The following LHFPL3 variants were observed in gnomAD, a reference collection of about 807,000 sequenced individuals.
LHFPL3 encodes the protein LHFPL tetraspan subfamily member 3.
LHFPL3 carries 5 observed loss-of-function variants against 19.3 expected under a neutral mutation model. That is an observed-to-expected ratio of 0.26 (90% confidence interval 0.14 to 0.54). The LOEUF is 0.54. LHFPL3 is among the 20% of genes least tolerant of loss of function. The pLI, the probability that LHFPL3 is intolerant of heterozygous loss-of-function variation, is 0.94. For synonymous variants in LHFPL3, 133 were observed against 126.2 expected (o/e 1.05, Z -0.36); for missense variants, 249 against 307.4 (o/e 0.81, Z 1.42).
At chr7:104,667,601 T>C in intron 1 of LHFPL3, 2 of 654,660 alleles carry the variant, frequency 3.1e-6, no homozygotes, top group Non-Finnish European at 2.6e-6. Flanking sequence ...TCAGCATAAC[T>C]AATATTTGTT....
At chr7:104,379,136 C>A (rs976938644) in intron 1 of LHFPL3, among the ~76,000 whole-genome samples, 1 of 152,104 alleles carries the variant, frequency 6.6e-6, no homozygotes, top group African/African-American at 2.4e-5. Context: ...CCAGATGGCC[C>A]GAAGATACAG....
chr7:104,659,435 A>C lies in LHFPL3; in HGVS notation c.446-77240A>C, dbSNP rs76564737. On this transcript the variant is annotated intron_variant, in intron 1 of 2. Transcript: ENST00000424859. ...TTGTTCGGTCATTCAGTGCTCTTTCACTCACACCAGAGAATCCAAGGCTGC... is the reference window on the plus strand; with the variant it reads ...TTGTTCGGTCATTCAGTGCTCTTTCCCTCACACCAGAGAATCCAAGGCTGC... Among the ~76,000 whole-genome samples the C allele has an allele frequency of 5.2e-3, 791 of 152,054 alleles. 45 individuals are homozygous for C. In the East Asian group the frequency reaches 0.11, roughly 22 times the overall value.
At chr7:104,492,310 G>A (rs1274298522) in intron 1 of LHFPL3, among the ~76,000 whole-genome samples, 5 of 152,174 alleles carry the variant, frequency 3.3e-5, no homozygotes, top group Non-Finnish European at 7.3e-5. Context: ...CAGAACGGTG[G>A]CACTCTAAAG....
At chr7:104,518,832 T>A (rs1473171272) in intron 1 of LHFPL3, among the ~76,000 whole-genome samples, 1 of 150,690 alleles carries the variant, frequency 6.6e-6, no homozygotes, top group African/African-American at 2.5e-5. Flanking sequence ...GATAGATAGA[T>A]AGATAGATAG....
At chr7:104,420,554 ATTTTTTTT>A (rs71153195) in intron 1 of LHFPL3, among the ~76,000 whole-genome samples, 2 of 112,710 alleles carry the variant, frequency 1.8e-5, no homozygotes, top group Admixed American at 1.1e-4. Context: ...CAAAGGGTGA[ATTTTTTTT>A]TTTTTTTTTT....
chr7:104,783,547 T>A (rs1156267203), intron 2 of LHFPL3, among the ~76,000 whole-genome samples: 2 of 152,186 alleles, frequency 1.3e-5, no homozygotes, highest in Non-Finnish European at 2.9e-5. Context: ...AGAAATGTAA[T>A]GCACCGACGA....
chr7:104,396,816 C>A (rs898116953), intron 1 of LHFPL3, among the ~76,000 whole-genome samples: 3 of 151,668 alleles, frequency 2.0e-5, no homozygotes, highest in African/African-American at 7.3e-5. Flanking sequence ...CACACACACA[C>A]AAAATTCACT....
intron 1 of LHFPL3, among the ~76,000 whole-genome samples, chr7:104,532,609 C>G (rs545299997): frequency 1.3e-5 from 2 of 152,216 alleles, no homozygotes; most frequent in East Asian, 3.9e-4. Context: ...GTTTTCCTCA[C>G]AAGTACCCCA....
chr7:104,673,855 G>C (rs760662195), intron 1 of LHFPL3, among the ~76,000 whole-genome samples: 4 of 152,132 alleles, frequency 2.6e-5, no homozygotes, highest in African/African-American at 4.8e-5. Context: ...CAAGATAAAA[G>C]CACCTTTAAC....
At chr7:104,398,651 G>T (rs1017932169) in intron 1 of LHFPL3, among the ~76,000 whole-genome samples, 9 of 152,274 alleles carry the variant, frequency 5.9e-5, no homozygotes, top group Middle Eastern at 3.4e-3. Context: ...GAGGGATAAA[G>T]TAAATTCCCA....
At chr7:104,370,466 A>G (rs1790590193) in intron 1 of LHFPL3, among the ~76,000 whole-genome samples, 1 of 152,182 alleles carries the variant, frequency 6.6e-6, no homozygotes, top group South Asian at 2.1e-4. Flanking sequence ...CAAAGCAGAA[A>G]TGTGACTTCC....
At chr7:104,653,574 G>C (rs1792071213) in intron 1 of LHFPL3, among the ~76,000 whole-genome samples, 1 of 152,162 alleles carries the variant, frequency 6.6e-6, no homozygotes, top group African/African-American at 2.4e-5. Context: ...CATAAAAATG[G>C]AAAAATCATT....
intron 1 of LHFPL3, among the ~76,000 whole-genome samples, chr7:104,367,579 A>G (rs1435159647): frequency 6.6e-6 from 1 of 152,152 alleles, no homozygotes; most frequent in Admixed American, 6.5e-5. Flanking sequence ...AGGGAGAAAA[A>G]CTGGCTTGTT....
intron 1 of LHFPL3, among the ~76,000 whole-genome samples, chr7:104,588,562 T>C (rs1401477414): frequency 2.0e-5 from 3 of 152,094 alleles, no homozygotes; most frequent in Admixed American, 2.0e-4. Flanking sequence ...ATGCCTCCAG[T>C]TTTGTTCTTT....
chr7:104,502,108 A>G (rs1793607105), intron 1 of LHFPL3, among the ~76,000 whole-genome samples: 1 of 152,238 alleles, frequency 6.6e-6, no homozygotes, highest in South Asian at 2.1e-4. Context: ...ACCTTTACAT[A>G]CCAATATTGA....
chr7:104,387,818 G>T (rs532245354), intron 1 of LHFPL3, among the ~76,000 whole-genome samples: 65 of 152,178 alleles, frequency 4.3e-4, no homozygotes, highest in African/African-American at 1.5e-3. Context: ...TTAGGTTCGG[G>T]GTACATGTGC....
intron 1 of LHFPL3, among the ~76,000 whole-genome samples, chr7:104,590,991 T>C (rs937080395): frequency 6.6e-6 from 1 of 152,188 alleles, no homozygotes; most frequent in Non-Finnish European, 1.5e-5. Context: ...TCCCTTTAAT[T>C]TGAGCTTGTG....
At chr7:104,344,079 A>C (rs1340462016) in intron 1 of LHFPL3, among the ~76,000 whole-genome samples, 1 of 152,086 alleles carries the variant, frequency 6.6e-6, no homozygotes, top group Non-Finnish European at 1.5e-5. Context: ...TGTAAGTTGA[A>C]TTTTATTGAA....
rs191819170 is a variant in LHFPL3, at chr7:104,620,682, C to T, written c.446-115993C>T. ...GCACTTTTCCCCCCAGTGATTTCCA[C>T]TTCTGGGTACATAATGGCCCGGAAC... On this transcript the variant is annotated intron_variant, in intron 1 of 2. Coordinates refer to ENST00000424859, the MANE Select transcript of LHFPL3 (RefSeq NM_199000.3). Among the ~76,000 whole-genome samples, 258 of 152,324 alleles carry T rather than the reference C, an allele frequency of 1.7e-3. 1 individual carries two copies. Among genetic ancestry groups the T allele is most frequent in the South Asian group, 0.011 (52 of 4,828 alleles).
Sources: allele counts gnomAD v4.1 joint callset (sites outside exome capture counted in the v4.1 genomes callset), GRCh38; gene constraint gnomAD v4.1.1; transcripts MANE v1.5; gene names NCBI Gene and HGNC (gene_info 2026-07-23, HGNC 2026-07-21).